KNDC1: variants seen among roughly 807,000 people sequenced by gnomAD.
The protein encoded by KNDC1 is kinase non-catalytic C-lobe domain-containing protein 1.
In KNDC1, 106 loss-of-function variants were observed where a neutral mutation model predicts 172.8. The observed-to-expected ratio is 0.61, with a 90% CI of 0.52 to 0.72. The LOEUF is 0.72. Among genes scored for constraint, KNDC1 ranks in the 30% least tolerant of loss-of-function variants. KNDC1 has a pLI of 0.00. For missense variants in KNDC1, 2,325 were observed against 2,394.5 expected, an observed-to-expected ratio of 0.97 and a Z score of 0.61; for synonymous variants, 1,083 against 1,062.2, an observed-to-expected ratio of 1.02 and a Z score of -0.38.
intron 26 of KNDC1, among the ~76,000 whole-genome samples, chr10:133,214,713 G>T (rs921373001): frequency 6.6e-6 from 1 of 152,246 alleles, no homozygotes; most frequent in African/African-American, 2.4e-5. Context: ...CGGCTCCGTG[G>T]TCTGACCAAG....
Position 133,186,433 on chromosome 10 carries a change from G to A in KNDC1, c.1085G>A (p.Arg362Lys), listed in dbSNP as rs867806236. ...AGCTTCCAGGCTCAGCCCAAATGCAGGCTGTGGCCGGAGCAGGAGCCGGAA... is the reference window on the plus strand; with the variant it reads ...AGCTTCCAGGCTCAGCCCAAATGCAAGCTGTGGCCGGAGCAGGAGCCGGAA... ...LSSFQAQPKCRLWPEQEPEHQ... is the reference protein window; with the variant it reads ...LSSFQAQPKCKLWPEQEPEHQ... Residue 362 changes from arginine to lysine, a missense_variant, in exon 6 of 30, where the codon AGG (arginine) becomes AAG (lysine). Arg to Lys is a conservative substitution (Grantham distance 26). Transcript: ENST00000304613. 6.2e-7 allele frequency: 1 copy of A among 1,612,628 alleles called. No individual in the cohort carries two copies. Among genetic ancestry groups the A allele is most frequent in the Non-Finnish European group, 8.5e-7 (1 of 1,179,872 alleles).
chr10:133,186,142 C>G lies in KNDC1; in HGVS notation c.794C>G (p.Thr265Ser). 3.1e-6 allele frequency: 5 copies of G among 1,591,590 alleles called. No homozygotes were observed. The highest frequency in any genetic ancestry group is 4.3e-6 in the Non-Finnish European group (5 of 1,169,496). Residue 265 changes from threonine to serine, a missense_variant, in exon 6 of 30, where the codon ACC (threonine) becomes AGC (serine). Physicochemically the swap from Thr to Ser is moderately conservative, Grantham distance 58. Transcript: ENST00000304613. ...RASPTKALLS[T>S]PVRNGESHSR... ...TCCCCAACCAAGGCTCTGCTGTCCA[C>G]CCCGGTGAGAAATGGCGAGAGCCAC...
At chr10:133,218,597 G>T (rs1369109857) in intron 26 of KNDC1, among the ~76,000 whole-genome samples, 3 of 152,176 alleles carry the variant, frequency 2.0e-5, no homozygotes, top group Admixed American at 2.0e-4. Flanking sequence ...GTCTTTCCGC[G>T]TATCAGGCTT....
chr10:133,208,140 G>A (rs1379981581), intron 20 of KNDC1, among the ~76,000 whole-genome samples: 4 of 152,174 alleles, frequency 2.6e-5, no homozygotes, highest in Non-Finnish European at 5.9e-5. Context: ...AGCAAAGGAC[G>A]CCAAGGAGGA....
chr10:133,216,242 C>T (rs1419151766), intron 26 of KNDC1, among the ~76,000 whole-genome samples: 1 of 151,174 alleles, frequency 6.6e-6, no homozygotes, highest in African/African-American at 2.4e-5. Flanking sequence ...CAGGAAGAAA[C>T]GGCATAAAAT....
chr10:133,181,116 C>G (rs1046770227), intron 3 of KNDC1, among the ~76,000 whole-genome samples: 1 of 151,748 alleles, frequency 6.6e-6, no homozygotes, highest in Non-Finnish European at 1.5e-5. Flanking sequence ...CACCCACAGA[C>G]GCCACACGGG....
At chr10:133,199,703 C>T (rs1044466427) in intron 15 of KNDC1, 101 bp downstream of exon 15, 19 of 1,372,052 alleles carry the variant, frequency 1.4e-5, no homozygotes, top group Non-Finnish European at 1.9e-5. Flanking sequence ...TCCCAACCCT[C>T]CGCTTCCATC....
Position 133,202,262 on chromosome 10 carries a change from G to A in KNDC1, c.3387+364G>A, listed in dbSNP as rs866221213. On this transcript the variant is annotated intron_variant, in intron 17 of 29. Transcript: ENST00000304613. The stretch of plus-strand genomic sequence containing the variant: ...GCAGGCACAGCCTCCGGGCCCTTGG[G>A]CAGCCTCGCTCTGCAGTGAAAGAAA... 7.1e-6 allele frequency: 4 copies of A among 563,448 alleles called. No individual in the cohort carries two copies. The African/African-American group carries it at 7.4e-5, about 10-fold the overall frequency. 34.9% of individuals were successfully genotyped at this position (563,448 alleles called of 1,614,324 possible).
intron 10 of KNDC1, among the ~76,000 whole-genome samples, 199 bp downstream of exon 10, chr10:133,196,020 C>T (rs891844476): frequency 2.0e-5 from 3 of 152,228 alleles, no homozygotes; most frequent in East Asian, 1.9e-4. Flanking sequence ...GTCATGGCCA[C>T]GTCCATGTGG....
rs1451909029 is a variant in KNDC1, at chr10:133,186,480, T to A, written c.1132T>A (p.Cys378Ser). Residue 378 changes from cysteine to serine, a missense_variant, in exon 6 of 30, where the codon TGT becomes AGT. Transcript: ENST00000304613. The part of the protein sequence containing the change: ...EPEHQLGRVP[C>S]AGRSTDRGPG... ...GGAACACCAGCTGGGACGGGTTCCC[T>A]GTGCAGGCCGCAGCACGGACAGGGG... 5 of 1,612,200 alleles carry A rather than the reference T, an allele frequency of 3.1e-6. No homozygotes were observed. The African/African-American group carries it at 6.7e-5, about 22-fold the overall frequency.
rs75235877 is a variant in KNDC1 at position 133,216,670 on chromosome 10, T to C, written c.4678-2161T>C. 3.5e-3 allele frequency among the ~76,000 whole-genome samples: 534 copies of C among 151,776 alleles called. 10 individuals are homozygous for C. In the East Asian group the frequency reaches 0.038, roughly 11 times the overall value. ...CTAGACGACGGTGCGAGACCCTATC[T>C]CAAAAAAAATAAAAAATAAAAATGG... On this transcript the variant is annotated intron_variant, in intron 26 of 29. Transcript: ENST00000304613.
intron 15 of KNDC1, among the ~76,000 whole-genome samples, chr10:133,200,085 G>A (rs926158314): frequency 6.6e-6 from 1 of 152,050 alleles, no homozygotes; most frequent in East Asian, 1.9e-4. Flanking sequence ...GCTCCTCCGC[G>A]TGCGTGTGGA....
rs999846336 is a variant in KNDC1 at position 133,209,248 on chromosome 10, G to A, written c.3795-1363G>A. ...TTGTGTGGTGCGTATGCACATGTGT[G>A]GTGTGTGGTATGCGGTAGTGTGTGT... On this transcript the variant is annotated intron_variant, in intron 20 of 29. Coordinates refer to ENST00000304613, the MANE Select transcript of KNDC1 (RefSeq NM_152643.8). The surrounding 1 kb of genome is among the most constrained non-coding windows in gnomAD (Gnocchi z 4.9). Among the ~76,000 whole-genome samples, 2 of 149,938 alleles carry A rather than the reference G, an allele frequency of 1.3e-5. No individual in the cohort carries two copies. The highest frequency in any genetic ancestry group is 4.9e-5 in the African/African-American group (2 of 40,488).
intron 16 of KNDC1, 143 bp from the exon 17 acceptor site, chr10:133,201,358 G>A (rs1033681843): frequency 1.9e-5 from 17 of 871,966 alleles, no homozygotes; most frequent in East Asian, 1.3e-4. Flanking sequence ...GGCGGCAGCC[G>A]TGCCCGGGGG....
intron 1 of KNDC1, among the ~76,000 whole-genome samples, chr10:133,162,524 T>C (rs1402509343): frequency 1.3e-5 from 2 of 152,218 alleles, no homozygotes; most frequent in African/African-American, 4.8e-5. Flanking sequence ...AATAGACCCC[T>C]ATGGACACCC....
At chr10:133,217,050 C>T (rs371055516) in intron 26 of KNDC1, among the ~76,000 whole-genome samples, 8 of 152,316 alleles carry the variant, frequency 5.3e-5, no homozygotes, top group African/African-American at 1.9e-4. Flanking sequence ...TCGTGTTGAA[C>T]GGGGACCGAG....
intron 12 of KNDC1, 126 bp downstream of exon 12, chr10:133,197,894 C>T (rs1589759000): frequency 3.8e-6 from 3 of 799,018 alleles, no homozygotes; most frequent in South Asian, 2.8e-5. Flanking sequence ...GTCCAGAGCT[C>T]GGCCAACGTG....
At chr10:133,180,705 A>C (rs1853691401) in intron 3 of KNDC1, among the ~76,000 whole-genome samples, 1 of 152,366 alleles carries the variant, frequency 6.6e-6, no homozygotes, top group African/African-American at 2.4e-5. Flanking sequence ...CAACACACAC[A>C]GCAAGCGTGT....
chr10:133,198,911 G>C lies in KNDC1; in HGVS notation c.2403G>C (p.Pro801=). 1 of 1,582,894 alleles carries C rather than the reference G, an allele frequency of 6.3e-7. No individual in the cohort carries two copies. Among genetic ancestry groups the C allele is most frequent in the Non-Finnish European group, 8.6e-7 (1 of 1,169,288 alleles). ...ALPVEQGPAE[P]IPPGVASGGL... ...CCGTAGAGCAAGGGCCGGCTGAGCC[G>C]ATCCCACCTGGAGTTGCTTCCGGGG... The change falls in exon 14 of 30, where the codon CCG becomes CCC. Residue 801 remains proline (P), a synonymous_variant. Transcript: ENST00000304613.
Sources: gnomAD v4.1 joint callset for allele counts (sites outside exome capture counted in the v4.1 genomes callset) on GRCh38, gnomAD v4.1.1 for gene constraint, Gnocchi (gnomAD v3.1) non-coding constraint, MANE v1.5 for transcripts, NCBI Gene and HGNC (gene_info 2026-07-23, HGNC 2026-07-21) for gene names.